ENTPD4: variants seen among roughly 807,000 people sequenced by gnomAD.
ENTPD4 encodes the protein Golgi UDPase.
A neutral mutation model predicts 79.1 loss-of-function variants in ENTPD4; 60 were observed. The observed-to-expected ratio is 0.76, with a 90% CI of 0.62 to 0.94. The LOEUF (loss-of-function observed/expected upper bound fraction) is 0.94, where lower values mean the gene tolerates loss of function less well. ENTPD4 is among the 40% of genes least tolerant of loss of function. ENTPD4 has a pLI of 0.00. For missense variants in ENTPD4, 772 were observed against 775.1 expected (o/e 1.00, Z 0.05); for synonymous variants, 276 against 292.0 (o/e 0.95, Z 0.56).
chr8:23,437,167 C>T lies in ENTPD4; in HGVS notation c.1141G>A (p.Gly381Arg). 6.2e-7 allele frequency: 1 copy of T among 1,614,124 alleles called. No individual in the cohort carries two copies. The highest frequency in any genetic ancestry group is 8.5e-7 in the Non-Finnish European group (1 of 1,180,008). ...GTCCCTCGTAGGTATATGGTTTGTC[C>T]ATTTTGCTGGATTTCATCTTTAATG... ...LDIKDEIQQN[G>R]QTIYLRGTGD... The change falls in exon 10 of 13, where the codon GGA becomes AGA. Residue 381 changes from glycine to arginine, a missense_variant. Transcript: ENST00000358689.
At position 23,432,594 on chromosome 8, in the gene ENTPD4, G is replaced by A. The variant is rs1326114450; in HGVS notation, c.*332C>T. 3 of 699,768 alleles carry A rather than the reference G, an allele frequency of 4.3e-6. No individual in the cohort carries two copies. Among genetic ancestry groups the A allele is most frequent in the Non-Finnish European group, 3.6e-6 (2 of 550,984 alleles). 43.3% of individuals were successfully genotyped at this position (699,768 alleles called of 1,614,324 possible). The stretch of plus-strand genomic sequence containing the variant: ...GCTCACTGCAAGCTCTGCCTCCCAG[G>A]TTCATGCCATTCTCCTGCCTCAGCC... On this transcript the variant is annotated 3_prime_UTR_variant, in exon 13 of 13. Transcript: ENST00000358689.
intron 4 of ENTPD4, among the ~76,000 whole-genome samples, chr8:23,445,305 C>G (rs1026274848): frequency 1.3e-5 from 2 of 152,188 alleles, no homozygotes; most frequent in African/African-American, 4.8e-5. Flanking sequence ...ATCCCACCCT[C>G]TGATCCTGAC....
intron 3 of ENTPD4, among the ~76,000 whole-genome samples, chr8:23,448,396 C>T (rs774979116): frequency 6.6e-6 from 1 of 152,120 alleles, no homozygotes; most frequent in African/African-American, 2.4e-5. Flanking sequence ...CCCCAAAATT[C>T]GTATGTTGGA....
chr8:23,441,290 T>C (rs1220896462), intron 8 of ENTPD4: 1 of 309,860 alleles, frequency 3.2e-6, no homozygotes, highest in East Asian at 1.7e-4. Context: ...AAGACGTGAT[T>C]GAAGAGAAAA....
intron 12 of ENTPD4, among the ~76,000 whole-genome samples, chr8:23,433,546 G>T (rs980631274): frequency 1.3e-5 from 2 of 152,116 alleles, no homozygotes; most frequent in African/African-American, 4.8e-5. Context: ...GAGGGGGTGG[G>T]GGGAAGAGCA....
Position 23,448,031 on chromosome 8 carries a change from A to G in ENTPD4, c.207-146T>C, listed in dbSNP as rs1800793431. On this transcript the variant is annotated intron_variant, in intron 3 of 12. Coordinates refer to ENST00000358689, the MANE Select transcript of ENTPD4 (RefSeq NM_004901.5). The stretch of plus-strand genomic sequence containing the variant: ...CATCAATACAACTGTTGAATAATTG[A>G]AGAGTCAAAAGAAAACAAAACAAGT... 3 of 637,166 alleles carry G rather than the reference A, an allele frequency of 4.7e-6. No homozygotes were observed. The South Asian group carries it at 5.8e-5, about 12-fold the overall frequency. The allele number at this position is 637,166 out of a possible 1,614,324, so 39.5% of individuals were successfully genotyped here.
At position 23,429,641 on chromosome 8, in the gene ENTPD4, T is replaced by C; in HGVS notation, c.*3285A>G. ...TAGGCCTGAGTTTAAAATGTAAATATCTGTTTATCCAGAGTTTGTTAATCT... is the reference window on the plus strand; with the variant it reads ...TAGGCCTGAGTTTAAAATGTAAATACCTGTTTATCCAGAGTTTGTTAATCT... On this transcript the variant is annotated 3_prime_UTR_variant, in exon 13 of 13. Transcript: ENST00000358689. The C allele has an allele frequency of 1.0e-6, 1 of 985,410 alleles. No individual in the cohort carries two copies. The highest frequency in any genetic ancestry group is 1.2e-6 in the Non-Finnish European group (1 of 829,912). 61.0% of individuals were successfully genotyped at this position (985,410 alleles called of 1,614,324 possible).
intron 3 of ENTPD4, among the ~76,000 whole-genome samples, chr8:23,448,162 C>A (rs1285345532): frequency 2.0e-5 from 3 of 152,160 alleles, no homozygotes; most frequent in Non-Finnish European, 4.4e-5. Context: ...CAAAAATCAG[C>A]TTAAAACATA....
Position 23,430,236 on chromosome 8 carries a change from T to C in ENTPD4, c.*2690A>G. Reference sequence around the variant, plus strand: ...TTTGCTGCGACTGCAGACATCTCCATACGGCATAATGAACTCCCTTGAGTG... The same window carrying C: ...TTTGCTGCGACTGCAGACATCTCCACACGGCATAATGAACTCCCTTGAGTG... On this transcript the variant is annotated 3_prime_UTR_variant, in exon 13 of 13. Transcript: ENST00000358689. The C allele has an allele frequency of 1.0e-6, 1 of 985,474 alleles. No individual in the cohort carries two copies. Among genetic ancestry groups the C allele is most frequent in the Non-Finnish European group, 1.2e-6 (1 of 829,940 alleles). 61.0% of individuals were successfully genotyped at this position (985,474 alleles called of 1,614,324 possible). A position where few individuals can be genotyped will look rare whatever the true frequency, so the allele number is the denominator to read the frequency against.
rs1291136235 is a variant in ENTPD4, at chr8:23,431,397, C to T, written c.*1529G>A. 1.0e-6 allele frequency: 1 copy of T among 985,266 alleles called. No individual in the cohort carries two copies. Among genetic ancestry groups the T allele is most frequent in the Non-Finnish European group, 1.2e-6 (1 of 829,936 alleles). 61.0% of individuals were successfully genotyped at this position (985,266 alleles called of 1,614,324 possible). On this transcript the variant is annotated 3_prime_UTR_variant, in exon 13 of 13. Transcript: ENST00000358689. ...ACAGACACTCGCACAAAACAAACTC[C>T]ACCTAAAAAAACTGTACGAGAATTC...
At position 23,430,154 on chromosome 8, in the gene ENTPD4, C is replaced by G. The variant is rs1369630913; in HGVS notation, c.*2772G>C. ...GGCTTGTCTCTCACCCACCCTGTATCTCTTAGAGAAAGCACCTGGCTGTCT... is the reference window on the plus strand; with the variant it reads ...GGCTTGTCTCTCACCCACCCTGTATGTCTTAGAGAAAGCACCTGGCTGTCT... On this transcript the variant is annotated 3_prime_UTR_variant, in exon 13 of 13. Coordinates refer to ENST00000358689, the MANE Select transcript of ENTPD4 (RefSeq NM_004901.5). 2.0e-6 allele frequency: 2 copies of G among 985,328 alleles called. No homozygotes were observed. The highest frequency in any genetic ancestry group is 3.5e-5 in the African/African-American group (2 of 57,242). The allele number at this position is 985,328 out of a possible 1,614,324, so 61.0% of individuals were successfully genotyped here. A position where few individuals can be genotyped will look rare whatever the true frequency, so the allele number is the denominator to read the frequency against.
intron 1 of ENTPD4, among the ~76,000 whole-genome samples, chr8:23,456,780 A>T (rs1191517585): frequency 4.6e-5 from 7 of 152,362 alleles, no homozygotes; most frequent in Non-Finnish European, 7.3e-5. Flanking sequence ...TGGTATTTTC[A>T]TCACAAAAAG....
At chr8:23,456,335 C>T (rs1363553771) in intron 1 of ENTPD4, among the ~76,000 whole-genome samples, 1 of 152,244 alleles carries the variant, frequency 6.6e-6, no homozygotes, top group African/African-American at 2.4e-5. Context: ...GACTACACTT[C>T]TTTCAAGGCA....
Position 23,441,606 on chromosome 8 carries a change from T to C in ENTPD4, c.845A>G (p.Glu282Gly). 1 of 1,614,228 alleles carries C rather than the reference T, an allele frequency of 6.2e-7. No homozygotes were observed. Among genetic ancestry groups the C allele is most frequent in the Non-Finnish European group, 8.5e-7 (1 of 1,180,036 alleles). The change falls in exon 8 of 13, where the codon GAA (glutamate) becomes GGA (glycine). Residue 282 changes from glutamate (E) to glycine (G), a missense_variant. Transcript: ENST00000358689. The part of the protein sequence containing the change: ...MGGVSTQIAY[E>G]VPKTVSFASS... ...CGCAAAGCTTACAGTTTTGGGGACT[T>C]CGTACGCTATCTGAGTCGACACGCC...
rs768779950 is a variant in ENTPD4, at chr8:23,439,914, T to G, written c.884A>C (p.Glu295Ala). The stretch of plus-strand genomic sequence containing the variant: ...AGCTAACAAGTTTTTAGCTACTTCT[T>G]CCTGCAGACATAAGCATAACAAACC... Reference protein sequence around the residue: ...KTVSFASSQQEEVAKNLLAEF... With the variant: ...KTVSFASSQQAEVAKNLLAEF... Residue 295 changes from glutamate (E) to alanine (A), a missense_variant and splice_region_variant, in exon 9 of 13, where the codon GAA becomes GCA. Physicochemically the swap from Glu to Ala is moderately radical, Grantham distance 107. Coordinates refer to ENST00000358689, the MANE Select transcript of ENTPD4 (RefSeq NM_004901.5). 5.6e-6 allele frequency: 9 copies of G among 1,613,632 alleles called. No homozygotes were observed. The highest frequency in any genetic ancestry group is 4.2e-6 in the Non-Finnish European group (5 of 1,179,608).
Position 23,449,972 on chromosome 8 carries a change from G to A in ENTPD4, c.-72C>T, listed in dbSNP as rs1585410248. The A allele has an allele frequency of 6.2e-7, 1 of 1,608,324 alleles. No homozygotes were observed. The highest frequency in any genetic ancestry group is 8.5e-7 in the Non-Finnish European group (1 of 1,174,996). On this transcript the variant is annotated 5_prime_UTR_variant, in exon 2 of 13. Transcript: ENST00000358689. ...CACAAACAATTATAGAAATAATGCTGGGGTCCTCACGGAGTTAGAGCCCTC... is the reference window on the plus strand; with the variant it reads ...CACAAACAATTATAGAAATAATGCTAGGGTCCTCACGGAGTTAGAGCCCTC...
At chr8:23,440,340 C>T (rs558768195) in intron 8 of ENTPD4, among the ~76,000 whole-genome samples, 1 of 152,122 alleles carries the variant, frequency 6.6e-6, no homozygotes, top group East Asian at 1.9e-4. Flanking sequence ...GAGGAACATG[C>T]TCATGCACTG....
intron 12 of ENTPD4, 152 bp downstream of exon 12, chr8:23,434,165 A>G: frequency 9.9e-7 from 1 of 1,007,106 alleles, no homozygotes; most frequent in Admixed American, 2.3e-5. Context: ...GGGAGGGGGC[A>G]AGACCAAAAG....
At position 23,434,677 on chromosome 8, in the gene ENTPD4, TTCACCTGTCAAA is replaced by T. The variant is rs1800524984; in HGVS notation, c.1461-211_1461-200del. On this transcript the variant is annotated intron_variant, in intron 11 of 12. Transcript: ENST00000358689. ...TCCCTGGTCCCACAACATGGAGCAG[TTCACCTGTCAAA>T]TCAATCAGTGCATGAACCCGGTCTC... The T allele has an allele frequency of 4.9e-6, 7 of 1,415,594 alleles. No homozygotes were observed. The African/African-American group carries it at 5.8e-5, about 12-fold the overall frequency. The allele number at this position is 1,415,594 out of a possible 1,614,324, so 87.7% of individuals were successfully genotyped here.
Sources: gnomAD v4.1 joint callset for allele counts (sites outside exome capture counted in the v4.1 genomes callset) on GRCh38, gnomAD v4.1.1 for gene constraint, MANE v1.5 for transcripts, NCBI Gene and HGNC (gene_info 2026-07-23, HGNC 2026-07-21) for gene names.